STAC: variants seen among roughly 807,000 people sequenced by gnomAD.
The protein encoded by STAC is SH3 and cysteine-rich domain-containing protein.
A neutral mutation model predicts 48.8 loss-of-function variants in STAC; 43 were observed. The ratio of observed to expected loss-of-function variants is 0.88; its 90% confidence interval spans 0.69 to 1.14. The LOEUF (loss-of-function observed/expected upper bound fraction) is 1.14. Among genes scored for constraint, STAC ranks in the 50% most tolerant of loss-of-function variants. The pLI, the probability that STAC is intolerant of heterozygous loss-of-function variation, is 0.00. For synonymous variants in STAC, 193 were observed against 179.5 expected, an observed-to-expected ratio of 1.07 and a Z score of -0.60; for missense variants, 497 against 504.0, an observed-to-expected ratio of 0.99 and a Z score of 0.13.
At chr3:36,398,368 A>AAAGAAAGAAAGACAAG (rs1553631494) in intron 1 of STAC, among the ~76,000 whole-genome samples, 1 of 102,880 alleles carries the variant, frequency 9.7e-6, no homozygotes, top group Non-Finnish European at 2.1e-5. Context: ...AGAAAGAAAG[A>AAAGAAAGAAAGACAAG]AAAGAAAGAG....
intron 1 of STAC, among the ~76,000 whole-genome samples, chr3:36,427,235 G>A (rs753123761): frequency 6.6e-6 from 1 of 152,174 alleles, no homozygotes; most frequent in Non-Finnish European, 1.5e-5. Context: ...GGGCTATTGT[G>A]ACTCCATGAA....
At chr3:36,517,644 A>G (rs1698704548) in intron 8 of STAC, among the ~76,000 whole-genome samples, 1 of 150,054 alleles carries the variant, frequency 6.7e-6, no homozygotes, top group Admixed American at 6.6e-5. Flanking sequence ...ACAGAGCTAG[A>G]CCCTATCTAT....
chr3:36,412,032 AACAG>A lies in STAC; in HGVS notation c.111+31284_111+31287del, dbSNP rs1484761529. ...GTTAAAGATAATTTTGACTAAAAGTAACAGACAGAAAAACCTAACTTACAATAAT... is the reference window on the plus strand; with the variant it reads ...GTTAAAGATAATTTTGACTAAAAGTAACAGAAAAACCTAACTTACAATAAT... On this transcript the variant is annotated intron_variant, in intron 1 of 10. Coordinates refer to ENST00000273183, the MANE Select transcript of STAC (RefSeq NM_003149.3). Among the ~76,000 whole-genome samples the A allele has an allele frequency of 3.3e-5, 5 of 152,332 alleles. No homozygotes were observed. In the East Asian group the frequency reaches 9.6e-4, roughly 29 times the overall value.
At chr3:36,504,929 G>A (rs1337014991) in intron 7 of STAC, among the ~76,000 whole-genome samples, 1 of 151,818 alleles carries the variant, frequency 6.6e-6, no homozygotes, top group African/African-American at 2.4e-5. Context: ...TTAGATATAT[G>A]ATGCAACTAT....
chr3:36,524,248 A>G (rs887856039), intron 8 of STAC, among the ~76,000 whole-genome samples: 1 of 152,038 alleles, frequency 6.6e-6, no homozygotes, highest in Non-Finnish European at 1.5e-5. Flanking sequence ...AGGGGAACTG[A>G]CCAGCCTCCA....
Position 36,380,728 on chromosome 3 carries a change from G to A in STAC, c.85G>A (p.Ala29Thr). 1 of 1,611,650 alleles carries A rather than the reference G, an allele frequency of 6.2e-7. No homozygotes were observed. The highest frequency in any genetic ancestry group is 1.1e-5 in the South Asian group (1 of 90,806). ...AVGAEQPPSP[A>T]STSSQESKLQ... Reference sequence around the variant, plus strand: ...GGGCGCCGAGCAACCGCCCTCTCCTGCATCCACCAGCAGCCAGGAATCCAA... The same window carrying A: ...GGGCGCCGAGCAACCGCCCTCTCCTACATCCACCAGCAGCCAGGAATCCAA... The change falls in exon 1 of 11, where the codon GCA (alanine) becomes ACA (threonine). Residue 29 changes from alanine to threonine, a missense_variant. Physicochemically the swap from Ala to Thr is moderately conservative, Grantham distance 58. Coordinates refer to ENST00000273183, the MANE Select transcript of STAC (RefSeq NM_003149.3).
Position 36,443,239 on chromosome 3 carries a change from G to A in STAC, c.112-125G>A. 8.8e-7 allele frequency: 1 copy of A among 1,140,556 alleles called. No individual in the cohort carries two copies. Among genetic ancestry groups the A allele is most frequent in the Non-Finnish European group, 1.2e-6 (1 of 809,890 alleles). 70.7% of individuals were successfully genotyped at this position (1,140,556 alleles called of 1,614,324 possible). On this transcript the variant is annotated intron_variant, in intron 1 of 10. Transcript: ENST00000273183. This position sits in a 1 kb window ranked among gnomAD's most constrained non-coding sequence, Gnocchi z 4.2. ...ACCCCACCCACACAGGGACATTTAT[G>A]AGCCTCCTCAAGACGGAGGGTGTCA...
intron 6 of STAC, among the ~76,000 whole-genome samples, chr3:36,501,922 G>A (rs1265441386): frequency 6.6e-6 from 1 of 152,100 alleles, no homozygotes; most frequent in African/African-American, 2.4e-5. Flanking sequence ...CAAAATCTCA[G>A]TAAGAACCCA....
chr3:36,495,060 T>C (rs1175099785), intron 6 of STAC, among the ~76,000 whole-genome samples: 2 of 152,210 alleles, frequency 1.3e-5, no homozygotes, highest in African/African-American at 2.4e-5. Context: ...TGGAAACATT[T>C]GGTCCTTGGC....
At chr3:36,467,178 A>C (rs1257868722) in intron 2 of STAC, among the ~76,000 whole-genome samples, 1 of 152,096 alleles carries the variant, frequency 6.6e-6, no homozygotes, top group Non-Finnish European at 1.5e-5. Context: ...CCATCCCTGC[A>C]TCCCTGGTAT....
At chr3:36,538,633 A>G (rs1350434025) in intron 10 of STAC, among the ~76,000 whole-genome samples, 2 of 152,174 alleles carry the variant, frequency 1.3e-5, no homozygotes, top group East Asian at 1.9e-4. Flanking sequence ...CCAGATGTTC[A>G]TGAGCATATC....
chr3:36,443,593 T>A lies in STAC; in HGVS notation c.341T>A (p.Ile114Asn). Residue 114 changes from isoleucine to asparagine, a missense_variant, in exon 2 of 11, where the codon ATC (isoleucine) becomes AAC (asparagine). Coordinates refer to ENST00000273183, the MANE Select transcript of STAC (RefSeq NM_003149.3). This position sits in a 1 kb window ranked among gnomAD's most constrained non-coding sequence, Gnocchi z 4.2. ...GGKAHAFQEY[I>N]FKKPTFCDVC... Reference sequence around the variant, plus strand: ...AAGGCTCATGCCTTTCAGGAATACATCTTCAAGAAGCCCACTTTCTGTGAT... The same window carrying A: ...AAGGCTCATGCCTTTCAGGAATACAACTTCAAGAAGCCCACTTTCTGTGAT... 6.2e-7 allele frequency: 1 copy of A among 1,613,948 alleles called. No individual in the cohort carries two copies. Among genetic ancestry groups the A allele is most frequent in the Non-Finnish European group, 8.5e-7 (1 of 1,180,020 alleles).
chr3:36,468,620 T>A (rs1697240210), intron 2 of STAC, among the ~76,000 whole-genome samples: 1 of 148,018 alleles, frequency 6.8e-6, no homozygotes, highest in African/African-American at 2.5e-5. Context: ...ATTTATATAT[T>A]TATAGGTGCA....
At chr3:36,468,366 A>T (rs1196296162) in intron 2 of STAC, among the ~76,000 whole-genome samples, 2 of 152,012 alleles carry the variant, frequency 1.3e-5, no homozygotes, top group African/African-American at 4.8e-5. Context: ...CAGAATGTAT[A>T]TTCTGTAGTT....
At chr3:36,445,254 A>T (rs946775985) in intron 2 of STAC, among the ~76,000 whole-genome samples, 1 of 152,002 alleles carries the variant, frequency 6.6e-6, no homozygotes, top group African/African-American at 2.4e-5. Flanking sequence ...GAATATCACT[A>T]AAAAAAATGT....
chr3:36,521,986 G>A (rs542626638), intron 8 of STAC, among the ~76,000 whole-genome samples: 98 of 152,190 alleles, frequency 6.4e-4, no homozygotes, highest in Middle Eastern at 3.4e-3. Context: ...ATACTTGGGA[G>A]GCTGAGCAGG....
chr3:36,514,793 G>T (rs1411017786), intron 8 of STAC, among the ~76,000 whole-genome samples: 1 of 152,122 alleles, frequency 6.6e-6, no homozygotes, highest in Non-Finnish European at 1.5e-5. Context: ...CCAACACTTT[G>T]GGAGGCCAAG....
chr3:36,491,185 T>C (rs1697957328), intron 5 of STAC, among the ~76,000 whole-genome samples: 1 of 152,266 alleles, frequency 6.6e-6, no homozygotes, highest in African/African-American at 2.4e-5. Context: ...TCTTATGTCC[T>C]AAAGTTAACA....
chr3:36,411,913 T>C (rs1700203584), intron 1 of STAC, among the ~76,000 whole-genome samples: 1 of 152,182 alleles, frequency 6.6e-6, no homozygotes, highest in South Asian at 2.1e-4. Context: ...ATTTAACTTC[T>C]CACAATAATA....
Sources: allele counts gnomAD v4.1 joint callset (sites outside exome capture counted in the v4.1 genomes callset), GRCh38; gene constraint gnomAD v4.1.1; non-coding constraint Gnocchi (gnomAD v3.1); transcripts MANE v1.5; gene names NCBI Gene and HGNC (gene_info 2026-07-23, HGNC 2026-07-21).